The following DENND5A variants were observed in gnomAD, a reference collection of about 807,000 sequenced individuals.
The protein encoded by DENND5A is DENN domain containing 5A, also known as DENN domain-containing protein 5A.
Under a neutral mutation model 140.3 loss-of-function variants are expected in DENND5A, and 64 were observed. The ratio of observed to expected loss-of-function variants is 0.46; its 90% confidence interval spans 0.37 to 0.56. The LOEUF (loss-of-function observed/expected upper bound fraction) is 0.56. Ranked by LOEUF, DENND5A falls within the 20% of genes least tolerant of loss-of-function variation. The pLI is 0.00. For missense variants in DENND5A, 1,292 were observed against 1,593.8 expected (o/e 0.81, Z 3.22); for synonymous variants, 605 against 607.7 (o/e 1.00, Z 0.07).
At chr11:9,213,476 A>G (rs1204689672) in intron 1 of DENND5A, among the ~76,000 whole-genome samples, 2 of 151,816 alleles carry the variant, frequency 1.3e-5, no homozygotes, top group Non-Finnish European at 2.9e-5. Flanking sequence ...CAGGGTTTTT[A>G]AAACAGAGGC....
At chr11:9,258,497 G>A (rs1354060454) in intron 1 of DENND5A, among the ~76,000 whole-genome samples, 1 of 152,074 alleles carries the variant, frequency 6.6e-6, no homozygotes, top group East Asian at 1.9e-4. Context: ...TGATGTGTAT[G>A]TGCCATCTTC....
chr11:9,166,223 C>A (rs1452203561), intron 10 of DENND5A, among the ~76,000 whole-genome samples: 1 of 151,906 alleles, frequency 6.6e-6, no homozygotes, highest in Non-Finnish European at 1.5e-5. Context: ...GGACTACAGG[C>A]ATGTGCCACC....
intron 1 of DENND5A, among the ~76,000 whole-genome samples, chr11:9,239,940 T>A (rs1046972923): frequency 1.5e-4 from 23 of 152,358 alleles, no homozygotes; most frequent in Middle Eastern, 3.4e-3. Flanking sequence ...ACATATTAAG[T>A]GATTATTAAA....
In DENND5A at chr11:9,253,960, C is replaced by A. The variant is rs889616268; in HGVS notation, c.109+11001G>T. Among the ~76,000 whole-genome samples, 3 of 152,102 alleles carry A rather than the reference C, an allele frequency of 2.0e-5. No homozygotes were observed. In the East Asian group the frequency reaches 5.8e-4, roughly 29 times the overall value. ...ATCATCTGAGGTCTGGAGTTCAAGA[C>A]CAGCCTGACCAACATGGAGAAACCC... On this transcript the variant is annotated intron_variant, in intron 1 of 22. Transcript: ENST00000328194.
In DENND5A at chr11:9,178,143, A is replaced by C; in HGVS notation, c.1895T>G (p.Val632Gly). 6.2e-7 allele frequency: 1 copy of C among 1,613,008 alleles called. No individual in the cohort carries two copies. Among genetic ancestry groups the C allele is most frequent in the Non-Finnish European group, 8.5e-7 (1 of 1,178,884 alleles). ...RTSMYQKCTT[V>G]DEAEKAIELR... ...CAAGGAGGCCTTACCTGCTTCATCC[A>C]CAGTGGTACACTTCTGGTACATGGA... The change falls in exon 8 of 23, where the codon GTG becomes GGG. Residue 632 changes from valine to glycine, a missense_variant. Coordinates refer to ENST00000328194, the MANE Select transcript of DENND5A (RefSeq NM_015213.4).
chr11:9,175,191 GAAATTA>G (rs1162588929), intron 8 of DENND5A: 4 of 151,914 alleles, frequency 2.6e-5, no homozygotes, highest in Non-Finnish European at 4.4e-5. Context: ...TGAACAATTA[GAAATTA>G]AAATTAAGAA....
chr11:9,180,829 C>T lies in DENND5A; in HGVS notation c.1393G>A (p.Glu465Lys). The stretch of plus-strand genomic sequence containing the variant: ...TGCAGCCGGGCAATAGTTTCATTCT[C>T]CTTAAGAAGCTCGTAGGAATGCAAA... ...SPLHSYELLK[E>K]NETIARLQAL... The change falls in exon 6 of 23, where the codon GAG becomes AAG. Residue 465 changes from glutamate to lysine, a missense_variant. Physicochemically the swap from Glu to Lys is moderately conservative, Grantham distance 56. Coordinates refer to ENST00000328194, the MANE Select transcript of DENND5A (RefSeq NM_015213.4). 1 of 1,614,208 alleles carries T rather than the reference C, an allele frequency of 6.2e-7. No individual in the cohort carries two copies. The highest frequency in any genetic ancestry group is 8.5e-7 in the Non-Finnish European group (1 of 1,180,040).
At chr11:9,162,884 T>G (rs1162603355) in intron 11 of DENND5A, among the ~76,000 whole-genome samples, 1 of 145,808 alleles carries the variant, frequency 6.9e-6, no homozygotes, top group Non-Finnish European at 1.5e-5. Context: ...TTTTTTTTCT[T>G]TAAGAAACTG....
intron 1 of DENND5A, among the ~76,000 whole-genome samples, chr11:9,247,034 T>C (rs938936808): frequency 1.3e-5 from 2 of 151,906 alleles, no homozygotes; most frequent in African/African-American, 4.8e-5. Flanking sequence ...ATCGAGACCA[T>C]CTGGCTAACA....
At chr11:9,159,149 A>T (rs992140384) in intron 12 of DENND5A, among the ~76,000 whole-genome samples, 7 of 152,096 alleles carry the variant, frequency 4.6e-5, no homozygotes, top group Non-Finnish European at 1.0e-4. Context: ...ATGTTTTCAG[A>T]GTTCATCCAT....
intron 8 of DENND5A, among the ~76,000 whole-genome samples, chr11:9,172,805 C>T (rs767434228): frequency 4.6e-5 from 7 of 151,854 alleles, no homozygotes; most frequent in African/African-American, 7.3e-5. Context: ...GACAGAGGAG[C>T]GACATCTTTT....
intron 1 of DENND5A, among the ~76,000 whole-genome samples, chr11:9,238,351 G>T (rs1270682064): frequency 1.0e-5 from 1 of 100,196 alleles, no homozygotes; most frequent in African/African-American, 4.5e-5. Context: ...AAATGCATGT[G>T]TGTGTGTGTA....
At chr11:9,221,429 T>TCAAA (rs113255296) in intron 1 of DENND5A, among the ~76,000 whole-genome samples, 19,767 of 151,770 alleles carry the variant, frequency 0.13, 1,816 homozygotes, top group African/African-American at 0.26. Context: ...AGACTCCATC[T>TCAAA]CAAACAAACA....
intron 5 of DENND5A, among the ~76,000 whole-genome samples, chr11:9,189,144 C>T (rs1394631855): frequency 1.3e-5 from 2 of 152,212 alleles, no homozygotes; most frequent in Non-Finnish European, 2.9e-5. Context: ...AAGGGGCTAT[C>T]ACAGAGCTCA....
chr11:9,210,716 A>G (rs1008548581), intron 1 of DENND5A, among the ~76,000 whole-genome samples: 2 of 152,148 alleles, frequency 1.3e-5, no homozygotes, highest in Non-Finnish European at 2.9e-5. Context: ...ATTTTTTTGT[A>G]GAGTCAGGGT....
chr11:9,139,972 G>GC (rs1847183102), intron 22 of DENND5A, 118 bp from the exon 23 acceptor site: 2 of 1,123,984 alleles, frequency 1.8e-6, no homozygotes, highest in Non-Finnish European at 1.3e-6. Context: ...GAAGCTGACA[G>GC]CCCCCCACAC....
At chr11:9,146,253 G>A (rs1161199456) in intron 16 of DENND5A, among the ~76,000 whole-genome samples, 1 of 152,092 alleles carries the variant, frequency 6.6e-6, no homozygotes, top group Non-Finnish European at 1.5e-5. Context: ...AGTTTGCCTC[G>A]GGTCTTCTAA....
chr11:9,172,982 AT>A (rs35189783), intron 8 of DENND5A, among the ~76,000 whole-genome samples: 51,922 of 145,400 alleles, frequency 0.36, 10,034 homozygotes, highest in African/African-American at 0.53. Flanking sequence ...TGCCTGGCTA[AT>A]TTTTTTTTTT....
At chr11:9,246,206 T>C (rs2136282031) in intron 1 of DENND5A, among the ~76,000 whole-genome samples, 1 of 152,132 alleles carries the variant, frequency 6.6e-6, no homozygotes, top group East Asian at 1.9e-4. Flanking sequence ...GTGACAGAGA[T>C]GTTTGCTTTC....
Sources: allele counts gnomAD v4.1 joint callset (sites outside exome capture counted in the v4.1 genomes callset), GRCh38; gene constraint gnomAD v4.1.1; transcripts MANE v1.5; gene names NCBI Gene and HGNC (gene_info 2026-07-23, HGNC 2026-07-21).